Variants in COPA observed in about 807,000 individuals in gnomAD.
COPA encodes coat protein complex I subunit alpha, also known as coatomer subunit alpha.
A neutral mutation model predicts 158.7 loss-of-function variants in COPA; 10 were observed. The ratio of observed to expected loss-of-function variants is 0.06; its 90% confidence interval spans 0.04 to 0.11. The LOEUF (loss-of-function observed/expected upper bound fraction) is 0.11, where lower values mean the gene tolerates loss of function less well. Among genes scored for constraint, COPA ranks in the 10% least tolerant of loss-of-function variants. The pLI, the probability that COPA is intolerant of heterozygous loss-of-function variation, is 1.00. For synonymous variants in COPA, 462 were observed against 542.8 expected, an observed-to-expected ratio of 0.85 and a Z score of 2.07; for missense variants, 1,065 against 1,536.7, an observed-to-expected ratio of 0.69 and a Z score of 5.13.
intron 23 of COPA, among the ~76,000 whole-genome samples, chr1:160,295,388 G>A (rs1658366640): frequency 6.6e-6 from 1 of 152,218 alleles, no homozygotes; most frequent in Admixed American, 6.5e-5. Flanking sequence ...ATTACAGGTA[G>A]TTGAATTAGT....
At position 160,294,804 on chromosome 1, in the gene COPA, C is replaced by T; in HGVS notation, c.2530G>A (p.Gly844Ser). 1 of 1,614,170 alleles carries T rather than the reference C, an allele frequency of 6.2e-7. No individual in the cohort carries two copies. Among genetic ancestry groups the T allele is most frequent in the Non-Finnish European group, 8.5e-7 (1 of 1,180,016 alleles). ...DIDIDTVGTEGWGEDAELQLD... is the reference protein window; with the variant it reads ...DIDIDTVGTESWGEDAELQLD... ...TGCAGCTCTGCATCCTCTCCCCAGC[C>T]CTCTGTACCAACAGTGTCAATGTCA... Residue 844 changes from glycine to serine, a missense_variant, in exon 24 of 33, where the codon GGC becomes AGC. Physicochemically the swap from Gly to Ser is moderately conservative, Grantham distance 56. Around this residue, in one of 2 missense-constraint regions of COPA, gnomAD observed 980 missense variants for 1,357.8 expected, o/e 0.72. Coordinates refer to ENST00000241704, the MANE Select transcript of COPA (RefSeq NM_004371.4).
At chr1:160,343,031 G>T in intron 1 of COPA, 100 bp downstream of exon 1, 1 of 1,419,600 alleles carries the variant, frequency 7.0e-7, no homozygotes, top group Non-Finnish European at 1.0e-6. Flanking sequence ...TCCGTCTGGT[G>T]GGCCCATTTC....
chr1:160,327,686 T>C (rs1647314725), intron 6 of COPA, among the ~76,000 whole-genome samples: 2 of 151,942 alleles, frequency 1.3e-5, no homozygotes, highest in Admixed American at 6.5e-5. Flanking sequence ...GGTGAAACCC[T>C]GTCTCTACTA....
Position 160,298,871 on chromosome 1 carries a change from G to C in COPA, c.1951C>G (p.Leu651Val), listed in dbSNP as rs1412145355. ...TCAATGTTTCCACACTCCAGTGCCA[G>C]ACTAAAGCGAGTTTTCTCATCCTTG... ...FVKDEKTRFS[L>V]ALECGNIEIA... Residue 651 changes from leucine to valine, a missense_variant, in exon 19 of 33, where the codon CTG becomes GTG. Coordinates refer to ENST00000241704, the MANE Select transcript of COPA (RefSeq NM_004371.4). 6.2e-7 allele frequency: 1 copy of C among 1,614,038 alleles called. No homozygotes were observed. Among genetic ancestry groups the C allele is most frequent in the Non-Finnish European group, 8.5e-7 (1 of 1,180,036 alleles).
chr1:160,295,341 G>A (rs972043247), intron 23 of COPA, among the ~76,000 whole-genome samples: 9 of 152,150 alleles, frequency 5.9e-5, no homozygotes, highest in Admixed American at 5.9e-4. Context: ...AGTGGTGGAG[G>A]GTGATAGCAC....
rs143714109 is a variant in COPA at position 160,314,066 on chromosome 1, C to G, written c.766G>C (p.Val256Leu). 1.9e-5 allele frequency: 31 copies of G among 1,613,894 alleles called. No homozygotes were observed. In the East Asian group the frequency reaches 3.8e-4, roughly 20 times the overall value. Residue 256 changes from valine (V) to leucine (L), a missense_variant, in exon 9 of 33, where the codon GTC becomes CTC. This residue lies in a region of COPA where 980 missense variants were observed against 1,357.8 expected (regional missense o/e 0.72). Transcript: ENST00000241704. Reference protein sequence around the residue: ...RGHYNNVSCAVFHPRQELILS... With the variant: ...RGHYNNVSCALFHPRQELILS... ...ATCAACTCTTGGCGAGGGTGGAAGA[C>G]GGCACAAGATACATTGTTGTAATGG...
chr1:160,340,342 G>A, intron 1 of COPA, 48 bp from the exon 2 acceptor site: 1 of 1,126,448 alleles, frequency 8.9e-7, no homozygotes, highest in Non-Finnish European at 1.3e-6. Flanking sequence ...GCCCCATGAT[G>A]TCACCTTCTG....
chr1:160,331,850 A>C (rs891354932), intron 6 of COPA, among the ~76,000 whole-genome samples: 10 of 151,864 alleles, frequency 6.6e-5, no homozygotes, highest in African/African-American at 2.2e-4. Context: ...CAGGAGGCTG[A>C]GGGAGAATTG....
In COPA at chr1:160,305,758, C is replaced by T; in HGVS notation, c.1458G>A (p.Val486=). 6.2e-7 allele frequency: 1 copy of T among 1,614,046 alleles called. No individual in the cohort carries two copies. Among genetic ancestry groups the T allele is most frequent in the East Asian group, 2.2e-5 (1 of 44,894 alleles). The change falls in exon 16 of 33, where the codon GTG becomes GTA. Residue 486 remains valine (V), a synonymous_variant. Coordinates refer to ENST00000241704, the MANE Select transcript of COPA (RefSeq NM_004371.4). ...DVQQKRTLAS[V]KISKVKYVIW... ...TAACGTATTTCACTTTAGAAATCTTCACAGATGCCAGAGTCCTGAGATAGA... is the reference window on the plus strand; with the variant it reads ...TAACGTATTTCACTTTAGAAATCTTTACAGATGCCAGAGTCCTGAGATAGA...
chr1:160,339,614 C>T (rs1159355427), intron 3 of COPA: 1 of 271,812 alleles, frequency 3.7e-6, no homozygotes, highest in Non-Finnish European at 7.1e-6. Context: ...TATTATATTG[C>T]TTACCAAACT....
At chr1:160,308,069 G>A (rs1466187567) in intron 13 of COPA, among the ~76,000 whole-genome samples, 1 of 152,024 alleles carries the variant, frequency 6.6e-6, no homozygotes, top group Non-Finnish European at 1.5e-5. Flanking sequence ...GCCCACCACT[G>A]GGCTGCTCCT....
At chr1:160,313,031 A>C in intron 10 of COPA, 54 bp downstream of exon 10, 1 of 1,505,936 alleles carries the variant, frequency 6.6e-7, no homozygotes, top group Non-Finnish European at 9.2e-7. Context: ...AATCACTTTC[A>C]AGACTTATAA....
intron 1 of COPA, among the ~76,000 whole-genome samples, 198 bp downstream of exon 1, chr1:160,342,933 T>A (rs1160974525): frequency 6.6e-6 from 1 of 152,010 alleles, no homozygotes; most frequent in Non-Finnish European, 1.5e-5. Flanking sequence ...TATAGGTAAA[T>A]CGAAGCCCAA....
chr1:160,340,068 T>C, intron 2 of COPA, 86 bp from the exon 3 acceptor site: 1 of 1,534,418 alleles, frequency 6.5e-7, no homozygotes, highest in Non-Finnish European at 9.0e-7. Flanking sequence ...TTTTCAGTTC[T>C]ATCATTTCCA....
intron 14 of COPA, 130 bp downstream of exon 14, chr1:160,307,032 AG>A (rs1272227807): frequency 2.2e-5 from 19 of 845,544 alleles, no homozygotes; most frequent in Non-Finnish European, 3.6e-5. Flanking sequence ...CTAGAGACAG[AG>A]GTACAGCCAA....
rs1034268849 is a variant in COPA, at chr1:160,304,064, G to C, written c.1667+1369C>G. 7.2e-5 allele frequency among the ~76,000 whole-genome samples: 11 copies of C among 152,034 alleles called. No individual in the cohort carries two copies. The East Asian group carries it at 1.9e-3, about 27-fold the overall frequency. ...AGAGTTTCGCTCGTTGCCCAGGCTG[G>C]AGTGCAATGGTACGACCATGGATCA... On this transcript the variant is annotated intron_variant, in intron 17 of 32. Coordinates refer to ENST00000241704, the MANE Select transcript of COPA (RefSeq NM_004371.4).
intron 1 of COPA, among the ~76,000 whole-genome samples, chr1:160,342,910 G>A (rs971900141): frequency 5.3e-5 from 8 of 152,192 alleles, no homozygotes; most frequent in African/African-American, 1.9e-4. Context: ...CCCCTGCAGT[G>A]TGGGAGCCAC....
At chr1:160,290,377 G>A in intron 32 of COPA, 115 bp downstream of exon 32, 1 of 1,404,180 alleles carries the variant, frequency 7.1e-7, no homozygotes, top group Non-Finnish European at 9.8e-7. Context: ...TTTCTCCAGT[G>A]TCACTGCCTC....
chr1:160,293,775 C>T (rs1395028643), intron 25 of COPA, among the ~76,000 whole-genome samples: 4 of 152,090 alleles, frequency 2.6e-5, no homozygotes, highest in African/African-American at 7.2e-5. Context: ...GCATTACAGG[C>T]GTGAGCCACT....
Sources: allele counts gnomAD v4.1 joint callset (sites outside exome capture counted in the v4.1 genomes callset), GRCh38; gene constraint gnomAD v4.1.1; regional missense constraint gnomAD v4.1.1; transcripts MANE v1.5; gene names NCBI Gene and HGNC (gene_info 2026-07-23, HGNC 2026-07-21).